The following ZNF385D variants were observed in gnomAD, a reference collection of about 807,000 sequenced individuals.
The protein encoded by ZNF385D is zinc finger protein 659.
ZNF385D carries 15 observed loss-of-function variants against 35.8 expected under a neutral mutation model. That is an observed-to-expected ratio of 0.42 (90% CI 0.28 to 0.64). ZNF385D has a LOEUF of 0.64. Among genes scored for constraint, ZNF385D ranks in the 30% least tolerant of loss-of-function variants. ZNF385D has a pLI of 0.23. For synonymous variants in ZNF385D, 212 were observed against 186.8 expected (o/e 1.13, Z -1.10); for missense variants, 474 against 494.6 (o/e 0.96, Z 0.39).
At chr3:22,108,568 A>T (rs1702348439) in intron 3 of ZNF385D, among the ~76,000 whole-genome samples, 1 of 152,190 alleles carries the variant, frequency 6.6e-6, no homozygotes, top group South Asian at 2.1e-4. Flanking sequence ...CATCTGGATA[A>T]ATCAGTTCAA....
chr3:22,170,176 AAC>A (rs762565964), intron 2 of ZNF385D, among the ~76,000 whole-genome samples: 3 of 152,170 alleles, frequency 2.0e-5, no homozygotes, highest in Admixed American at 6.5e-5. Context: ...AGCAGAGAAA[AAC>A]AGTCATGATT....
chr3:22,328,535 C>T (rs997279960), intron 2 of ZNF385D, among the ~76,000 whole-genome samples: 2 of 152,154 alleles, frequency 1.3e-5, no homozygotes, highest in East Asian at 1.9e-4. Flanking sequence ...GAGGCCGAGG[C>T]TGGCAGATCA....
intron 3 of ZNF385D, among the ~76,000 whole-genome samples, chr3:21,799,752 G>A (rs1228946116): frequency 2.6e-5 from 4 of 151,908 alleles, no homozygotes; most frequent in Non-Finnish European, 5.9e-5. Flanking sequence ...ATGCAAATTT[G>A]AATTTTGAAG....
chr3:21,813,536 C>T lies in ZNF385D; in HGVS notation c.326-148508G>A, dbSNP rs145283125. 9.5e-3 allele frequency among the ~76,000 whole-genome samples: 1,452 copies of T among 152,126 alleles called. 19 individuals are homozygous for T. The highest frequency in any genetic ancestry group is 0.032 in the African/African-American group (1,343 of 41,482). On this transcript the variant is annotated intron_variant, in intron 3 of 5. Transcript: ENST00000494108. Reference sequence around the variant, plus strand: ...CCTGATGGAGCTGAAAACCATGGCACGAGAATTATGCGACTCATGCACAAG... The same window carrying T: ...CCTGATGGAGCTGAAAACCATGGCATGAGAATTATGCGACTCATGCACAAG...
intron 2 of ZNF385D, among the ~76,000 whole-genome samples, chr3:22,209,444 TTAA>T: frequency 6.6e-6 from 1 of 152,002 alleles, no homozygotes; most frequent in Middle Eastern, 3.4e-3. Context: ...CATTTTATTA[TTAA>T]TGATTTTTAA....
rs1421880253 is a variant in ZNF385D, at chr3:21,416,266, A to G, written c.*4948T>C. On this transcript the variant is annotated 3_prime_UTR_variant, in exon 8 of 8. Transcript: ENST00000281523. ...AGGATGGTCTCGATCTCCTGACCTC[A>G]TGATCCACCCGCCTCGGCCTCCCAA... is the stretch of plus-strand genomic sequence containing the variant. 8.6e-4 allele frequency: 6 copies of G among 6,998 alleles called. 3 individuals are homozygous for G. The highest frequency in any genetic ancestry group is 1.8e-3 in the Non-Finnish European group (6 of 3,420). The allele number at this position is 6,998 out of a possible 1,614,324, so 0.4% of individuals were successfully genotyped here. A position where few individuals can be genotyped will look rare whatever the true frequency, so the allele number is the denominator to read the frequency against.
intron 2 of ZNF385D, among the ~76,000 whole-genome samples, chr3:22,355,779 A>C (rs1696121840): frequency 6.6e-6 from 1 of 152,016 alleles, no homozygotes; most frequent in African/African-American, 2.4e-5. Context: ...TTTGTCCTTA[A>C]CCCAAGGAAT....
At chr3:21,563,795 C>G (rs886906388) in intron 3 of ZNF385D, among the ~76,000 whole-genome samples, 1 of 152,172 alleles carries the variant, frequency 6.6e-6, no homozygotes, top group African/African-American at 2.4e-5. Context: ...TTGCCTGTCT[C>G]TTCTGGAACT....
At chr3:21,467,690 C>T (rs1470357397) in intron 4 of ZNF385D, among the ~76,000 whole-genome samples, 2 of 152,136 alleles carry the variant, frequency 1.3e-5, no homozygotes, top group East Asian at 1.9e-4. Context: ...TGCTTCCCCT[C>T]AGTGACCATG....
intron 1 of ZNF385D, among the ~76,000 whole-genome samples, chr3:21,710,413 T>C (rs763584320): frequency 5.2e-4 from 79 of 152,180 alleles, no homozygotes; most frequent in Admixed American, 9.2e-4. Context: ...AAAACCCAAT[T>C]TATTTTTTAT....
chr3:21,608,012 C>CTTCTTTTTTTTTTTTTTTTTTTTTT (rs2064536095), intron 2 of ZNF385D, among the ~76,000 whole-genome samples: 6 of 123,974 alleles, frequency 4.8e-5, no homozygotes, highest in African/African-American at 1.9e-4. Context: ...TCTTTTTCTT[C>CTTCTTTTTTTTTTTTTTTTTTTTTT]TTTTTTTTTT....
In ZNF385D at chr3:22,363,097, A is replaced by G. The variant is rs530412003; in HGVS notation, c.106+9353T>C. ...AAGTTCCTCTTCGGAGAACCCAAGA[A>G]ATTGATATTTTCCAGGCAAGAGAGT... On this transcript the variant is annotated intron_variant, in intron 2 of 5. Coordinates refer to the ZNF385D transcript ENST00000494108. 2.6e-3 allele frequency among the ~76,000 whole-genome samples: 402 copies of G among 152,256 alleles called. 1 individual carries two copies. Among genetic ancestry groups the G allele is most frequent in the Middle Eastern group, 6.8e-3 (2 of 294 alleles).
At chr3:21,966,022 G>C (rs1036222493) in intron 3 of ZNF385D, among the ~76,000 whole-genome samples, 3 of 152,286 alleles carry the variant, frequency 2.0e-5, no homozygotes, top group Middle Eastern at 6.8e-3. Flanking sequence ...ATGTAGAAAA[G>C]TTTACAAGTA....
chr3:21,989,237 T>TA lies in ZNF385D; in HGVS notation c.325+179579dup, dbSNP rs1370371486. Among the ~76,000 whole-genome samples, 5 of 152,200 alleles carry TA rather than the reference T, an allele frequency of 3.3e-5. No homozygotes were observed. In the East Asian group the frequency reaches 9.7e-4, roughly 29 times the overall value. On this transcript the variant is annotated intron_variant, in intron 3 of 5. Transcript: ENST00000494108. The stretch of plus-strand genomic sequence containing the variant: ...TGTAGGAATGGTCGTGGTTTAACCT[T>TA]ACATATCAAAGCTCAACCAACTTGT...
chr3:22,258,758 ATAGAT>A (rs1254822184), intron 2 of ZNF385D, among the ~76,000 whole-genome samples: 1 of 151,824 alleles, frequency 6.6e-6, no homozygotes, highest in African/African-American at 2.4e-5. Context: ...AAATATAATT[ATAGAT>A]TATTTGCATG....
chr3:21,706,983 C>T (rs990370418), intron 1 of ZNF385D, among the ~76,000 whole-genome samples: 8 of 152,100 alleles, frequency 5.3e-5, no homozygotes, highest in Admixed American at 1.3e-4. Flanking sequence ...GATACATCTA[C>T]GGGAACAATT....
intron 3 of ZNF385D, among the ~76,000 whole-genome samples, chr3:21,978,018 G>A (rs1300163724): frequency 6.6e-6 from 1 of 152,154 alleles, no homozygotes; most frequent in African/African-American, 2.4e-5. Context: ...AGATACACCA[G>A]ATATTAATAG....
At chr3:21,597,641 C>A (rs1398421513) in intron 2 of ZNF385D, among the ~76,000 whole-genome samples, 2 of 145,024 alleles carry the variant, frequency 1.4e-5, no homozygotes, top group African/African-American at 5.6e-5. Context: ...AGGGCAATTA[C>A]ACGTGAAAAT....
chr3:21,694,594 CAA>C (rs2067405678), intron 1 of ZNF385D, among the ~76,000 whole-genome samples: 2 of 152,220 alleles, frequency 1.3e-5, no homozygotes, highest in South Asian at 4.2e-4. Context: ...ATTCGGAAAA[CAA>C]AGAGAAATCA....
Sources: gnomAD v4.1 joint callset for allele counts (sites outside exome capture counted in the v4.1 genomes callset) on GRCh38, gnomAD v4.1.1 for gene constraint, MANE v1.5 for transcripts, NCBI Gene and HGNC (gene_info 2026-07-23, HGNC 2026-07-21) for gene names.